Variants in TMLHE observed in about 807,000 individuals in gnomAD.
TMLHE encodes trimethyllysine dioxygenase, mitochondrial.
Under a neutral mutation model 25.7 loss-of-function variants are expected in TMLHE, and 18 were observed. The ratio of observed to expected loss-of-function variants is 0.70; its 90% CI spans 0.48 to 1.04. The LOEUF is 1.04. Among genes scored for constraint, TMLHE ranks in the 50% least tolerant of loss-of-function variants. The pLI is 0.00. For missense variants in TMLHE, 236 were observed against 259.0 expected, an observed-to-expected ratio of 0.91 and a Z score of 0.61; for synonymous variants, 105 against 97.0, an observed-to-expected ratio of 1.08 and a Z score of -0.49.
At position 155,573,889 on chromosome X, in the gene TMLHE, C is replaced by T. The variant is rs1201310229; in HGVS notation, c.-1-28612G>A. 6.4e-5 allele frequency among the ~76,000 whole-genome samples: 6 copies of T among 93,421 alleles called. 1 individual carries two copies. The highest frequency in any genetic ancestry group is 1.3e-4 in the Non-Finnish European group (6 of 47,719). 81.1% of individuals were successfully genotyped at this position (93,421 alleles called of 115,157 possible). ...AGGAGATATAACTAATGCTAAATGA[C>T]GAGTTAATGGGTGCAGCACACCAGC... On this transcript the variant is annotated intron_variant, in intron 1 of 7. Transcript: ENST00000334398.
chrX:155,583,645 A>G (rs1302184231), intron 1 of TMLHE, among the ~76,000 whole-genome samples: 15 of 112,281 alleles, frequency 1.3e-4, no homozygotes, highest in Non-Finnish European at 1.9e-5. Context: ...AAATAATAAA[A>G]TTGTCTTTTG....
rs1557339625 is a variant in TMLHE, at chrX:155,549,304, GGAAAA to G, written c.-1-4032_-1-4028del. 2.7e-5 allele frequency among the ~76,000 whole-genome samples: 3 copies of G among 110,335 alleles called. 1 individual carries two copies. Among genetic ancestry groups the G allele is most frequent in the Non-Finnish European group, 5.7e-5 (3 of 52,889 alleles). On this transcript the variant is annotated intron_variant, in intron 1 of 7. Coordinates refer to ENST00000334398, the MANE Select transcript of TMLHE (RefSeq NM_018196.4). ...ACCTTGCCTTGTTCCTGATCTTAGGGGAAAACATTCTAGTTTCATGATTAAGTATG... is the reference window on the plus strand; with the variant it reads ...ACCTTGCCTTGTTCCTGATCTTAGGGCATTCTAGTTTCATGATTAAGTATG...
intron 1 of TMLHE, among the ~76,000 whole-genome samples, chrX:155,547,133 A>G (rs1380291135): frequency 3.6e-5 from 4 of 110,268 alleles, no homozygotes; most frequent in African/African-American, 1.3e-4. Flanking sequence ...CACAAAATAA[A>G]TATTACTAAT....
At chrX:155,603,369 T>TGAATGAATGAAA (rs1341300723) in intron 1 of TMLHE, among the ~76,000 whole-genome samples, 4 of 99,309 alleles carry the variant, frequency 4.0e-5, no homozygotes, top group African/African-American at 1.6e-4. Context: ...AAAGAAAGAA[T>TGAATGAATGAAA]GAAAGAAAGA....
At chrX:155,604,831 G>A (rs782178731) in intron 1 of TMLHE, among the ~76,000 whole-genome samples, 1 of 112,000 alleles carries the variant, frequency 8.9e-6, no homozygotes, top group East Asian at 2.8e-4. Context: ...TCTGTGAAAC[G>A]AAGAACAAGA....
At chrX:155,541,101 G>C in intron 2 of TMLHE, among the ~76,000 whole-genome samples, 1 of 109,720 alleles carries the variant, frequency 9.1e-6, no homozygotes, top group African/African-American at 3.3e-5. Flanking sequence ...GAACATGCAG[G>C]TTTGTTACAT....
At chrX:155,530,176 T>G (rs1416683807) in intron 2 of TMLHE, among the ~76,000 whole-genome samples, 2 of 111,981 alleles carry the variant, frequency 1.8e-5, no homozygotes, top group Non-Finnish European at 3.8e-5. Context: ...AACCTAAATG[T>G]CTGTTGATGG....
chrX:155,524,685 A>G (rs998556329), intron 2 of TMLHE, 53 bp from the exon 3 acceptor site: 1 of 1,073,288 alleles, frequency 9.3e-7, no homozygotes, highest in East Asian at 3.3e-5. Flanking sequence ...ACTTTAAAAA[A>G]TCAGCATCCA....
At chrX:155,569,173 A>G (rs1557342680) in intron 1 of TMLHE, among the ~76,000 whole-genome samples, 2 of 57,713 alleles carry the variant, frequency 3.5e-5, no homozygotes, top group African/African-American at 8.3e-5. Context: ...AAGGCTCGAG[A>G]ACTACGTGAA....
At position 155,505,783 on chromosome X, in the gene TMLHE, T is replaced by C. The variant is rs781843458; in HGVS notation, c.995+1115A>G. ...TCCAAGATGGCCAGGAATTTTTGTC[T>C]ATTGTGCCTACAGTTTCATCTGCAG... is the stretch of plus-strand genomic sequence containing the variant. On this transcript the variant is annotated intron_variant, in intron 6 of 7. Transcript: ENST00000334398. Among the ~76,000 whole-genome samples, 211 of 111,926 alleles carry C rather than the reference T, an allele frequency of 1.9e-3. 1 individual carries two copies. The highest frequency in any genetic ancestry group is 6.7e-3 in the African/African-American group (207 of 30,952).
intron 1 of TMLHE, among the ~76,000 whole-genome samples, chrX:155,556,713 G>GT (rs1471477921): frequency 1.8e-5 from 2 of 110,204 alleles, no homozygotes; most frequent in African/African-American, 6.6e-5. Context: ...AGGGGACAGG[G>GT]TTTTGAGATC....
At chrX:155,508,358 T>C (rs1557332966) in intron 5 of TMLHE, among the ~76,000 whole-genome samples, 23 of 111,208 alleles carry the variant, frequency 2.1e-4, no homozygotes, top group Non-Finnish European at 3.8e-5. Context: ...TCTAATATAA[T>C]ATAAATACAA....
At chrX:155,539,979 T>C (rs781892447) in intron 2 of TMLHE, among the ~76,000 whole-genome samples, 9 of 108,570 alleles carry the variant, frequency 8.3e-5, no homozygotes, top group African/African-American at 3.0e-4. Context: ...GATAGGGCTT[T>C]GAAATTATTG....
chrX:155,508,366 C>T lies in TMLHE; in HGVS notation c.759-1232G>A, dbSNP rs782558921. 1.1e-3 allele frequency among the ~76,000 whole-genome samples: 117 copies of T among 110,403 alleles called. 1 individual carries two copies. The highest frequency in any genetic ancestry group is 1.6e-3 in the Non-Finnish European group (83 of 52,513). On this transcript the variant is annotated intron_variant, in intron 5 of 7. Coordinates refer to ENST00000334398, the MANE Select transcript of TMLHE (RefSeq NM_018196.4). ...AGGACAATCTAATATAATATAAATA[C>T]AATTAAAAAGAGAAAGGTAAGCCTG...
intron 6 of TMLHE, 101 bp downstream of exon 6, chrX:155,506,797 T>A: frequency 1.5e-6 from 1 of 671,793 alleles, no homozygotes; most frequent in Non-Finnish European, 2.4e-6. Context: ...AATAGCAAGA[T>A]TAAAATGTAG....
intron 1 of TMLHE, among the ~76,000 whole-genome samples, chrX:155,546,701 T>A (rs782556698): frequency 3.6e-4 from 40 of 111,044 alleles, no homozygotes; most frequent in Non-Finnish European, 5.9e-4. Context: ...AAGGCTAAAG[T>A]CAAATTTATT....
intron 1 of TMLHE, among the ~76,000 whole-genome samples, chrX:155,608,106 A>G (rs1330733943): frequency 2.7e-5 from 3 of 112,334 alleles, no homozygotes; most frequent in Non-Finnish European, 5.6e-5. Context: ...AGCCAAAGAA[A>G]TCTTAAGCAA....
rs2124446920 is a variant in TMLHE, at chrX:155,560,930, C to A, written c.-1-15653G>T. 3.3e-5 allele frequency among the ~76,000 whole-genome samples: 2 copies of A among 61,364 alleles called. 1 individual carries two copies. The highest frequency in any genetic ancestry group is 9.1e-5 in the Non-Finnish European group (2 of 21,921). 53.3% of individuals were successfully genotyped at this position (61,364 alleles called of 115,157 possible). The stretch of plus-strand genomic sequence containing the variant: ...TGTTGTATTGAGAATAAACTGTAAA[C>A]AGGCCAAGGAAAGGAGGGATACCTG... On this transcript the variant is annotated intron_variant, in intron 1 of 7. Transcript: ENST00000334398.
At chrX:155,525,815 T>C (rs1317054933) in intron 2 of TMLHE, among the ~76,000 whole-genome samples, 1 of 112,345 alleles carries the variant, frequency 8.9e-6, no homozygotes, top group East Asian at 2.8e-4. Context: ...TAGGGATTTA[T>C]GGAACTTTCA....
Sources: gnomAD v4.1 joint callset for allele counts (sites outside exome capture counted in the v4.1 genomes callset) on GRCh38, gnomAD v4.1.1 for gene constraint, MANE v1.5 for transcripts, NCBI Gene and HGNC (gene_info 2026-07-23, HGNC 2026-07-21) for gene names.